The following CEP162 variants were observed in gnomAD, a reference collection of about 807,000 sequenced individuals.
CEP162 encodes the protein centrosomal protein of 162 kDa.
CEP162 carries 141 observed loss-of-function variants against 169.2 expected under a neutral mutation model. The ratio of observed to expected loss-of-function variants is 0.83; its 90% CI spans 0.73 to 0.96. The LOEUF is 0.96. CEP162 is among the 40% of genes least tolerant of loss of function. The probability of loss-of-function intolerance (pLI) is 0.00; values close to 1 mark genes in which losing one functional copy is unlikely to be tolerated. For synonymous variants in CEP162, 540 were observed against 526.4 expected, an observed-to-expected ratio of 1.03 and a Z score of -0.35; for missense variants, 1,600 against 1,587.2, an observed-to-expected ratio of 1.01 and a Z score of -0.14.
chr6:84,154,332 C>CT (rs1262093034), intron 22 of CEP162, among the ~76,000 whole-genome samples: 1 of 144,478 alleles, frequency 6.9e-6, no homozygotes, highest in Non-Finnish European at 1.5e-5. Flanking sequence ...ATCTATCTAT[C>CT]TGTCTGTCTG....
chr6:84,126,340 A>T, intron 26 of CEP162, 38 bp downstream of exon 26: 2 of 1,458,416 alleles, frequency 1.4e-6, no homozygotes, highest in Non-Finnish European at 1.8e-6. Context: ...ACTTAAAAGT[A>T]AAGACCTATA....
Position 84,221,152 on chromosome 6 carries a change from T to C in CEP162, c.77A>G (p.Glu26Gly), listed in dbSNP as rs761345018. The C allele has an allele frequency of 5.2e-6, 8 of 1,550,512 alleles. No individual in the cohort carries two copies. Among genetic ancestry groups the C allele is most frequent in the Non-Finnish European group, 4.4e-6 (5 of 1,123,916 alleles). ...TTGTCTAGCTGTTTTGTCTGAATTT[T>C]CAAAAGAATCATCTGAAAGCTGAAT... The part of the protein sequence containing the change: ...FMKELSDDSF[E>G]NSDKTARQSK... The change falls in exon 3 of 27, where the codon GAA becomes GGA. Residue 26 changes from glutamate to glycine, a missense_variant. Glu to Gly is a moderately conservative substitution (Grantham distance 98, BLOSUM62 -2). Transcript: ENST00000403245.
chr6:84,223,780 G>A (rs370573029), intron 2 of CEP162, among the ~76,000 whole-genome samples: 7 of 151,766 alleles, frequency 4.6e-5, no homozygotes, highest in African/African-American at 9.7e-5. Flanking sequence ...GGTGGCAGGC[G>A]CCTGTAATCT....
intron 25 of CEP162, among the ~76,000 whole-genome samples, chr6:84,129,735 G>A (rs2099510486): frequency 6.6e-6 from 1 of 151,982 alleles, no homozygotes; most frequent in Admixed American, 6.6e-5. Flanking sequence ...TAGTCATGAA[G>A]ACTTTGCCCA....
At chr6:84,176,690 A>G (rs2099532552) in intron 13 of CEP162, among the ~76,000 whole-genome samples, 1 of 152,178 alleles carries the variant, frequency 6.6e-6, no homozygotes, top group Admixed American at 6.6e-5. Context: ...GGTAAATATA[A>G]TGCAAATACT....
chr6:84,198,451 G>A (rs2099543064), intron 9 of CEP162, among the ~76,000 whole-genome samples: 1 of 151,986 alleles, frequency 6.6e-6, no homozygotes, highest in African/African-American at 2.4e-5. Context: ...CTAATTTTCT[G>A]TATTTTTTAG....
chr6:84,135,255 A>C (rs1294970884), intron 25 of CEP162, among the ~76,000 whole-genome samples: 3 of 152,212 alleles, frequency 2.0e-5, no homozygotes, highest in Non-Finnish European at 2.9e-5. Flanking sequence ...AAAAAGCATA[A>C]AAGCATATAT....
At chr6:84,177,954 A>C (rs1364523329) in intron 13 of CEP162, among the ~76,000 whole-genome samples, 1 of 152,210 alleles carries the variant, frequency 6.6e-6, no homozygotes, top group Non-Finnish European at 1.5e-5. Flanking sequence ...AGATTAGGAA[A>C]ATAATTGTAT....
At chr6:84,130,009 A>G (rs936818039) in intron 25 of CEP162, among the ~76,000 whole-genome samples, 3 of 152,232 alleles carry the variant, frequency 2.0e-5, no homozygotes, top group Non-Finnish European at 4.4e-5. Context: ...TTTGTCATAA[A>G]TAGCTATTAT....
In CEP162 at chr6:84,167,175, A is replaced by G. The variant is rs533829623; in HGVS notation, c.2385+2153T>C. On this transcript the variant is annotated intron_variant, in intron 18 of 26. Transcript: ENST00000403245. The stretch of plus-strand genomic sequence containing the variant: ...ACCTATTAAAACATTTAAATGTGCA[A>G]TTAGGGCATCTCATATTTCTTAATA... Among the ~76,000 whole-genome samples, 3 of 152,254 alleles carry G rather than the reference A, an allele frequency of 2.0e-5. No homozygotes were observed. The South Asian group carries it at 6.2e-4, about 32-fold the overall frequency.
chr6:84,225,590 C>T (rs1012275138), intron 2 of CEP162, among the ~76,000 whole-genome samples: 1 of 151,976 alleles, frequency 6.6e-6, no homozygotes, highest in African/African-American at 2.4e-5. Flanking sequence ...TTATTAGGTA[C>T]TGTAGACATA....
intron 25 of CEP162, among the ~76,000 whole-genome samples, chr6:84,141,648 A>G (rs942878870): frequency 6.6e-6 from 1 of 152,188 alleles, no homozygotes; most frequent in Non-Finnish European, 1.5e-5. Context: ...AGATTTACAG[A>G]AAGTACTCCA....
At chr6:84,195,148 T>TGCCTC in intron 9 of CEP162, 73 bp from the exon 10 acceptor site, 1 of 1,189,776 alleles carries the variant, frequency 8.4e-7, no homozygotes, top group Non-Finnish European at 1.2e-6. Flanking sequence ...ACTAATATCA[T>TGCCTC]TCCTTAACCT....
chr6:84,187,152 C>T (rs1456028965), intron 11 of CEP162, among the ~76,000 whole-genome samples: 1 of 151,970 alleles, frequency 6.6e-6, no homozygotes, highest in Non-Finnish European at 1.5e-5. Context: ...ACAGAAAAAT[C>T]ACTAGGCTTT....
intron 13 of CEP162, among the ~76,000 whole-genome samples, chr6:84,183,454 T>C (rs537507596): frequency 1.3e-5 from 2 of 152,272 alleles, no homozygotes; most frequent in Admixed American, 6.5e-5. Context: ...TTATAAGTAA[T>C]GCAATCACTC....
chr6:84,190,769 C>T (rs1174420844), intron 11 of CEP162, among the ~76,000 whole-genome samples: 4 of 152,258 alleles, frequency 2.6e-5, no homozygotes, highest in Non-Finnish European at 4.4e-5. Flanking sequence ...TCCGCGGCTT[C>T]ATTCTAGAAG....
intron 13 of CEP162, among the ~76,000 whole-genome samples, chr6:84,183,336 A>G (rs565873991): frequency 3.3e-5 from 5 of 152,096 alleles, no homozygotes; most frequent in Non-Finnish European, 7.4e-5. Context: ...TGGTCATTTC[A>G]GCATACTCAC....
intron 25 of CEP162, among the ~76,000 whole-genome samples, chr6:84,131,819 T>A (rs892693302): frequency 6.6e-6 from 1 of 152,138 alleles, no homozygotes; most frequent in African/African-American, 2.4e-5. Flanking sequence ...TGTCTTTTAA[T>A]TGGAGCATTT....
intron 25 of CEP162, among the ~76,000 whole-genome samples, chr6:84,136,403 G>A (rs981934476): frequency 1.3e-5 from 2 of 152,150 alleles, no homozygotes; most frequent in African/African-American, 4.8e-5. Context: ...AGACAGAGAG[G>A]GAATGAGAAC....
Sources: allele counts gnomAD v4.1 joint callset (sites outside exome capture counted in the v4.1 genomes callset), GRCh38; gene constraint gnomAD v4.1.1; transcripts MANE v1.5; gene names NCBI Gene and HGNC (gene_info 2026-07-23, HGNC 2026-07-21).